The following AGBL1 variants were observed in gnomAD, a reference collection of about 807,000 sequenced individuals.
AGBL1 encodes cytosolic carboxypeptidase 4.
In AGBL1, 130 loss-of-function variants were observed where a neutral mutation model predicts 118.9. The observed-to-expected ratio is 1.09, with a 90% CI of 0.95 to 1.26. The LOEUF (loss-of-function observed/expected upper bound fraction) is 1.26. AGBL1 is among the 50% of genes most tolerant of loss of function. The pLI, the probability that AGBL1 is intolerant of heterozygous loss-of-function variation, is 0.00. For missense variants in AGBL1, 1,584 were observed against 1,298.1 expected, an observed-to-expected ratio of 1.22 and a Z score of -3.38; for synonymous variants, 555 against 478.9, an observed-to-expected ratio of 1.16 and a Z score of -2.08.
intron 21 of AGBL1, among the ~76,000 whole-genome samples, chr15:86,568,872 G>C (rs1241771720): frequency 1.3e-5 from 2 of 152,136 alleles, no homozygotes; most frequent in African/African-American, 4.8e-5. Flanking sequence ...TTAAGGCAAG[G>C]ACATTGTTCC....
intron 5 of AGBL1, among the ~76,000 whole-genome samples, chr15:86,194,012 A>C (rs2077761999): frequency 6.6e-6 from 1 of 152,198 alleles, no homozygotes. Flanking sequence ...TTGTAGAGTC[A>C]TACATTCTCC....
At chr15:86,722,203 A>G (rs1001379052) in intron 22 of AGBL1, among the ~76,000 whole-genome samples, 1 of 152,230 alleles carries the variant, frequency 6.6e-6, no homozygotes, top group African/African-American at 2.4e-5. Flanking sequence ...TGCCAAGTCA[A>G]TCCTAAGCCA....
chr15:86,549,849 A>G (rs1474169422), intron 20 of AGBL1, among the ~76,000 whole-genome samples: 1 of 124,576 alleles, frequency 8.0e-6, no homozygotes, highest in Non-Finnish European at 1.6e-5. Flanking sequence ...GAAAGAGGAC[A>G]GGAGAGGAGG....
intron 22 of AGBL1, among the ~76,000 whole-genome samples, chr15:86,797,050 G>A (rs2078582877): frequency 6.6e-6 from 1 of 152,206 alleles, no homozygotes; most frequent in Non-Finnish European, 1.5e-5. Flanking sequence ...ACTCAGAAAA[G>A]TCACTTAACT....
chr15:86,295,778 GGAAA>G (rs1232430624), intron 17 of AGBL1: 2 of 159,580 alleles, frequency 1.3e-5, no homozygotes, highest in Middle Eastern at 3.2e-3. Flanking sequence ...GTCAAGGTTT[GGAAA>G]GAAAGAAAGT....
chr15:87,030,173 G>T (rs1057068207), downstream of AGBL1, among the ~76,000 whole-genome samples: 2 of 151,856 alleles, frequency 1.3e-5, no homozygotes, highest in African/African-American at 4.8e-5. Flanking sequence ...TACTTTATGT[G>T]TCTACTGTAC....
chr15:86,579,899 A>G lies in AGBL1; in HGVS notation c.2994+25362A>G, dbSNP rs112413149. On this transcript the variant is annotated intron_variant, in intron 21 of 22. Coordinates refer to ENST00000614907, the MANE Select transcript of AGBL1 (RefSeq NM_001386094.1). Reference sequence around the variant, plus strand: ...GTGGGAAAAGCCTATGATGACTCCCAGGTTTCTGGACTGTATTTGATACTG... The same window carrying G: ...GTGGGAAAAGCCTATGATGACTCCCGGGTTTCTGGACTGTATTTGATACTG... Among the ~76,000 whole-genome samples, 692 of 152,274 alleles carry G rather than the reference A, an allele frequency of 4.5e-3. 6 individuals carry two copies. The highest frequency in any genetic ancestry group is 0.015 in the African/African-American group (640 of 41,554).
chr15:86,671,414 C>T (rs753870715), intron 21 of AGBL1, among the ~76,000 whole-genome samples: 1 of 152,094 alleles, frequency 6.6e-6, no homozygotes, highest in Non-Finnish European at 1.5e-5. Context: ...TATAATCAGA[C>T]TTTGTGTTAC....
intron 19 of AGBL1, among the ~76,000 whole-genome samples, chr15:86,532,758 CAG>C (rs1185081625): frequency 1.3e-5 from 2 of 148,886 alleles, no homozygotes; most frequent in African/African-American, 5.0e-5. Flanking sequence ...GGTACCAAAA[CAG>C]AGATATAGAT....
intron 21 of AGBL1, among the ~76,000 whole-genome samples, chr15:86,665,246 C>T (rs1186618431): frequency 4.6e-5 from 7 of 152,050 alleles, no homozygotes; most frequent in African/African-American, 7.2e-5. Context: ...GCTCATTTTA[C>T]GATTATTTCC....
intron 18 of AGBL1, among the ~76,000 whole-genome samples, chr15:86,406,033 A>G (rs2081525075): frequency 1.3e-5 from 2 of 152,256 alleles, no homozygotes; most frequent in East Asian, 3.9e-4. Context: ...AGGAGTCTAG[A>G]GTGGCCTGTA....
chr15:86,925,137 AGAGGAAGAGGAGGAGGAGGAGGAGGAG>A (rs1567242792), intron 23 of AGBL1, among the ~76,000 whole-genome samples: 1,684 of 25,264 alleles, frequency 0.067, 66 homozygotes, highest in African/African-American at 0.12. Context: ...AGGAAGAGGA[AGAGGAAGAGGAGGAGGAGGAGGAGGAG>A]GAGGAAGAGG....
rs1429206623 is a variant in AGBL1, at chr15:86,625,364, C to CCTTTTTTTTTTTTTTTTT, written c.2995-48909_2995-48908insCTTTTTTTTTTTTTTTTT. ...CAGCCTCCAAGGTAGAAGAAATTAG[C>CCTTTTTTTTTTTTTTTTT]GTTTTTTTTTTTTTGTTTTTGTTTT... On this transcript the variant is annotated intron_variant, in intron 21 of 22. Coordinates refer to ENST00000614907, the MANE Select transcript of AGBL1 (RefSeq NM_001386094.1). Among the ~76,000 whole-genome samples the CCTTTTTTTTTTTTTTTTT allele has an allele frequency of 2.9e-5, 2 of 68,286 alleles. 1 individual carries two copies. 44.8% of individuals were successfully genotyped at this position (68,286 alleles called of 152,430 possible).
At chr15:86,688,215 G>T (rs2086098006) in intron 22 of AGBL1, among the ~76,000 whole-genome samples, 1 of 151,936 alleles carries the variant, frequency 6.6e-6, no homozygotes, top group Non-Finnish European at 1.5e-5. Flanking sequence ...CTGACCCTTG[G>T]ATGCTGCTTT....
intron 5 of AGBL1, among the ~76,000 whole-genome samples, chr15:86,197,442 G>A (rs62013766): frequency 0.036 from 5,541 of 152,320 alleles, 153 homozygotes; most frequent in African/African-American, 0.067. Flanking sequence ...TGGAGGAAAA[G>A]CCATCGTTGT....
intron 22 of AGBL1, among the ~76,000 whole-genome samples, chr15:86,791,796 G>C (rs2078497668): frequency 6.6e-6 from 1 of 150,868 alleles, no homozygotes; most frequent in African/African-American, 2.4e-5. Flanking sequence ...GAGTGCAGTG[G>C]TGTAATCTTG....
At chr15:86,712,573 GA>G (rs951942141) in intron 22 of AGBL1, among the ~76,000 whole-genome samples, 1 of 151,958 alleles carries the variant, frequency 6.6e-6, no homozygotes, top group South Asian at 2.1e-4. Context: ...ATACAGCAGA[GA>G]AAAAAAATCC....
intron 22 of AGBL1, among the ~76,000 whole-genome samples, chr15:86,790,895 C>A (rs1440664007): frequency 1.3e-5 from 2 of 151,570 alleles, no homozygotes; most frequent in African/African-American, 2.4e-5. Context: ...TGTAATCAGT[C>A]CCAAACACTA....
intron 18 of AGBL1, among the ~76,000 whole-genome samples, chr15:86,440,484 GAATAATAAT>G (rs60498816): frequency 2.1e-4 from 30 of 144,508 alleles, no homozygotes; most frequent in African/African-American, 7.5e-4. Context: ...ATGGGATGGA[GAATAATAAT>G]AATAATAATA....
Sources: gnomAD v4.1 joint callset for allele counts (sites outside exome capture counted in the v4.1 genomes callset) on GRCh38, gnomAD v4.1.1 for gene constraint, MANE v1.5 for transcripts, NCBI Gene and HGNC (gene_info 2026-07-23, HGNC 2026-07-21) for gene names.